Variants in GAPDHS observed in about 807,000 individuals in gnomAD.
GAPDHS encodes the protein glyceraldehyde-3-phosphate dehydrogenase, testis-specific.
GAPDHS carries 42 observed loss-of-function variants against 48.7 expected under a neutral mutation model. The ratio of observed to expected loss-of-function variants is 0.86; its 90% confidence interval spans 0.67 to 1.12. GAPDHS has a LOEUF of 1.12. Among genes scored for constraint, GAPDHS ranks in the 50% most tolerant of loss-of-function variants. The probability of loss-of-function intolerance (pLI) is 0.00; values close to 1 mark genes in which losing one functional copy is unlikely to be tolerated. For missense variants in GAPDHS, 512 were observed against 557.7 expected (o/e 0.92, Z 0.82); for synonymous variants, 166 against 219.1 (o/e 0.76, Z 2.14).
intron 1 of GAPDHS, 24 bp downstream of exon 1, chr19:35,533,618 G>A (rs780929683): frequency 1.6e-5 from 25 of 1,590,120 alleles, no homozygotes; most frequent in African/African-American, 2.7e-5. Flanking sequence ...CGGAGGGCGC[G>A]GGGGAGGGGT....
chr19:35,536,705 T>C, intron 1 of GAPDHS, 108 bp from the exon 2 acceptor site: 1 of 857,684 alleles, frequency 1.2e-6, no homozygotes, highest in Non-Finnish European at 1.8e-6. Context: ...GGCTAAATGG[T>C]TGGTCACGAG....
In GAPDHS at chr19:35,543,700, CG is replaced by C; in HGVS notation, c.931del (p.Asp311MetfsTer7). On this transcript the variant is annotated frameshift_variant, in exon 9 of 11. Transcript: ENST00000222286. LOFTEE classifies it high-confidence loss of function. Reference protein sequence around the residue: ...LTGMAFRVPTPDVSVVDLTCR... With the variant: ...LTGMAFRVPTXDVSVVDLTCR... ...GGGATGGCGTTCCGGGTACCAACCC[CG>C]GATGTGTCTGTCGTGGACCTGACCT... 1.9e-6 allele frequency: 3 copies of C among 1,614,074 alleles called. No individual in the cohort carries two copies. Among genetic ancestry groups the C allele is most frequent in the Non-Finnish European group, 2.5e-6 (3 of 1,179,988 alleles).
At chr19:35,534,232 G>A (rs942795712) in intron 1 of GAPDHS, among the ~76,000 whole-genome samples, 1 of 152,154 alleles carries the variant, frequency 6.6e-6, no homozygotes, top group Non-Finnish European at 1.5e-5. Context: ...CACTCTAGCC[G>A]GAGGAACCAG....
Position 35,542,352 on chromosome 19 carries a change from C to T in GAPDHS, c.483C>T (p.Val161=), listed in dbSNP as rs147604192. ...CCAAACAGATCCCCTGGAGGGCTGT[C>T]GGGAGCCCCTACGTGGTGGAGTCCA... The part of the protein sequence containing the change: ...KEPKQIPWRA[V]GSPYVVESTG... The change falls in exon 5 of 11, where the codon GTC becomes GTT. Residue 161 remains valine (V), a synonymous_variant. Coordinates refer to ENST00000222286, the MANE Select transcript of GAPDHS (RefSeq NM_014364.5). 215 of 1,612,866 alleles carry T rather than the reference C, an allele frequency of 1.3e-4. No individual in the cohort carries two copies. In the South Asian group the frequency reaches 1.8e-3, roughly 13 times the overall value.
intron 4 of GAPDHS, chr19:35,542,011 G>T: frequency 2.4e-6 from 1 of 409,652 alleles, no homozygotes; most frequent in South Asian, 2.4e-5. Flanking sequence ...GGTCTGGGCT[G>T]GCTGACAGCA....
chr19:35,541,864 T>C (rs1271289111), intron 4 of GAPDHS: 1 of 165,820 alleles, frequency 6.0e-6, no homozygotes, highest in East Asian at 1.8e-4. Context: ...CTCCTGGCCT[T>C]TGGCAGCCAG....
rs1463114135 is a variant in GAPDHS, at chr19:35,545,314, C to G, written c.*144C>G. On this transcript the variant is annotated 3_prime_UTR_variant, in exon 11 of 11. Coordinates refer to ENST00000222286, the MANE Select transcript of GAPDHS (RefSeq NM_014364.5). ...GTCCATGGTGAAATAAAAAACAGTG[C>G]TCACGGCTGCGTCCCGTATCTCTGC... The G allele has an allele frequency of 5.4e-6, 4 of 734,340 alleles. No homozygotes were observed. The highest frequency in any genetic ancestry group is 9.8e-6 in the Non-Finnish European group (4 of 409,148). The allele number at this position is 734,340 out of a possible 1,614,324, so 45.5% of individuals were successfully genotyped here. A position where few individuals can be genotyped will look rare whatever the true frequency, so the allele number is the denominator to read the frequency against.
rs1355814695 is a variant in GAPDHS, at chr19:35,543,649, A to G, written c.894-16A>G. ...CCCTAAGTTCTGACTCCTGTTCCTC[A>G]TGGGGGATTCTCCAGGAAGCTGACA... is the stretch of plus-strand genomic sequence containing the variant. On this transcript the variant is annotated splice_polypyrimidine_tract_variant and intron_variant, in intron 8 of 10. Coordinates refer to ENST00000222286, the MANE Select transcript of GAPDHS (RefSeq NM_014364.5). The G allele has an allele frequency of 1.2e-6, 2 of 1,612,486 alleles. No individual in the cohort carries two copies. Among genetic ancestry groups the G allele is most frequent in the East Asian group, 2.2e-5 (1 of 44,876 alleles).
chr19:35,543,141 C>A, intron 7 of GAPDHS, 115 bp downstream of exon 7: 1 of 979,068 alleles, frequency 1.0e-6, no homozygotes, highest in South Asian at 1.4e-5. Context: ...GGAGGAGAGG[C>A]CCACCAGTGC....
rs895406157 is a variant in GAPDHS, at chr19:35,545,284, G to A, written c.*114G>A. On this transcript the variant is annotated 3_prime_UTR_variant, in exon 11 of 11. Coordinates refer to ENST00000222286, the MANE Select transcript of GAPDHS (RefSeq NM_014364.5). ...ACACCCGGGGCGGGCGCCCCACGCC[G>A]ATGGGTCCATGGTGAAATAAAAAAC... 8 of 813,238 alleles carry A rather than the reference G, an allele frequency of 9.8e-6. No individual in the cohort carries two copies. Among genetic ancestry groups the A allele is most frequent in the East Asian group, 7.6e-5 (3 of 39,598 alleles). 50.4% of individuals were successfully genotyped at this position (813,238 alleles called of 1,614,324 possible).
At chr19:35,536,020 G>GT (rs1555806845) in intron 1 of GAPDHS, among the ~76,000 whole-genome samples, 3 of 150,508 alleles carry the variant, frequency 2.0e-5, no homozygotes, top group Non-Finnish European at 4.4e-5. Context: ...GATTACAGGT[G>GT]TGAGCCACCA....
chr19:35,539,637 G>A (rs1055239538), intron 4 of GAPDHS, among the ~76,000 whole-genome samples: 5 of 151,972 alleles, frequency 3.3e-5, no homozygotes, highest in Non-Finnish European at 7.4e-5. Flanking sequence ...CCTCCCCAGC[G>A]CCCCTCCCCA....
At chr19:35,540,117 T>C (rs946640179) in intron 4 of GAPDHS, among the ~76,000 whole-genome samples, 1 of 152,190 alleles carries the variant, frequency 6.6e-6, no homozygotes, top group African/African-American at 2.4e-5. Context: ...CTGTATCTGA[T>C]GGGGATGATG....
chr19:35,536,704 G>A (rs1417031501), intron 1 of GAPDHS, 109 bp from the exon 2 acceptor site: 27 of 850,548 alleles, frequency 3.2e-5, no homozygotes, highest in Non-Finnish European at 4.8e-5. Flanking sequence ...GGGCTAAATG[G>A]TTGGTCACGA....
chr19:35,543,995 T>C (rs2071526077), intron 9 of GAPDHS, 168 bp downstream of exon 9: 1 of 1,285,554 alleles, frequency 7.8e-7, no homozygotes, highest in Non-Finnish European at 1.0e-6. Flanking sequence ...TCTGGAATGC[T>C]TCCCTTGCCA....
At chr19:35,534,401 C>T (rs1246169728) in intron 1 of GAPDHS, among the ~76,000 whole-genome samples, 2 of 152,196 alleles carry the variant, frequency 1.3e-5, no homozygotes, top group African/African-American at 4.8e-5. Flanking sequence ...CCCTGCCCTG[C>T]GCATCACTGC....
At chr19:35,533,722 A>G in intron 1 of GAPDHS, 128 bp downstream of exon 1, 1 of 654,222 alleles carries the variant, frequency 1.5e-6, no homozygotes, top group South Asian at 1.9e-5. Context: ...CCAGGGGATC[A>G]GCCGCTCTCC....
At position 35,544,910 on chromosome 19, in the gene GAPDHS, T is replaced by TC; in HGVS notation, c.1059dup (p.Val354ArgfsTer8). ...TATCTTTGAAATTCTGACTTCCAGG[T>TC]CGTCTCTACGGACTTCCTCGGTGAT... On this transcript the variant is annotated frameshift_variant and splice_region_variant, in exon 10 of 11. Transcript: ENST00000222286. LOFTEE classifies it high-confidence loss of function. The TC allele has an allele frequency of 6.2e-7, 1 of 1,605,026 alleles. No homozygotes were observed. Among genetic ancestry groups the TC allele is most frequent in the South Asian group, 1.1e-5 (1 of 90,898 alleles).
intron 7 of GAPDHS, 108 bp from the exon 8 acceptor site, chr19:35,543,231 TG>T: frequency 7.7e-7 from 1 of 1,300,006 alleles, no homozygotes; most frequent in Non-Finnish European, 1.1e-6. Flanking sequence ...TGGTCTGTGG[TG>T]GTGGCCCCAC....
Sources: allele counts gnomAD v4.1 joint callset (sites outside exome capture counted in the v4.1 genomes callset), GRCh38; gene constraint gnomAD v4.1.1; transcripts MANE v1.5; gene names NCBI Gene and HGNC (gene_info 2026-07-23, HGNC 2026-07-21).